NXPE2: variants seen among roughly 807,000 people sequenced by gnomAD.
NXPE2 encodes the protein neurexophilin and PC-esterase domain family member 2.
A neutral mutation model predicts 34.4 loss-of-function variants in NXPE2; 34 were observed. That is an observed-to-expected ratio of 0.99 (90% CI 0.75 to 1.31). NXPE2 has a LOEUF of 1.31. NXPE2 is among the 40% of genes most tolerant of loss of function. The pLI, the probability that NXPE2 is intolerant of heterozygous loss-of-function variation, is 0.00. For missense variants in NXPE2, 649 were observed against 672.5 expected, an observed-to-expected ratio of 0.97 and a Z score of 0.39; for synonymous variants, 235 against 231.3, an observed-to-expected ratio of 1.02 and a Z score of -0.15.
chr11:114,544,342 C>T, the NXPE2 span, among the ~76,000 whole-genome samples: 1 of 152,116 alleles, frequency 6.6e-6, no homozygotes, highest in Non-Finnish European at 1.5e-5. Context: ...TACAAAGCTG[C>T]CGTTATCAAG....
the NXPE2 span, among the ~76,000 whole-genome samples, chr11:114,475,449 G>A: frequency 6.6e-6 from 1 of 151,780 alleles, no homozygotes; most frequent in Non-Finnish European, 1.5e-5. Flanking sequence ...TCGCCATGTT[G>A]GCCAGGCTGG....
the NXPE2 span, among the ~76,000 whole-genome samples, chr11:114,481,435 G>A: frequency 7.9e-5 from 12 of 152,086 alleles, no homozygotes; most frequent in African/African-American, 2.9e-4. Flanking sequence ...AAATTAAAAT[G>A]GCAACAATAG....
At chr11:114,656,806 T>G in the NXPE2 span, among the ~76,000 whole-genome samples, 1 of 152,094 alleles carries the variant, frequency 6.6e-6, no homozygotes, top group African/African-American at 2.4e-5. Context: ...CTAGTAGTAG[T>G]AGTGTTTAAA....
At chr11:114,495,384 G>C in the NXPE2 span, among the ~76,000 whole-genome samples, 1 of 151,864 alleles carries the variant, frequency 6.6e-6, no homozygotes. Flanking sequence ...TTAGTGCTCT[G>C]TTCTACTGTG....
chr11:114,777,912 G>A, the NXPE2 span, among the ~76,000 whole-genome samples: 138 of 152,318 alleles, frequency 9.1e-4, 1 homozygote, highest in South Asian at 8.1e-3. Context: ...GATTCTGAGT[G>A]AGCAACTGAG....
At chr11:114,774,009 G>A in the NXPE2 span, among the ~76,000 whole-genome samples, 1 of 152,148 alleles carries the variant, frequency 6.6e-6, no homozygotes, top group African/African-American at 2.4e-5. Context: ...CTCTCTCTAC[G>A]GCCCTCAGTT....
chr11:114,639,983 TATA>T, the NXPE2 span, among the ~76,000 whole-genome samples: 11,150 of 116,956 alleles, frequency 0.095, 695 homozygotes, highest in Middle Eastern at 0.18. Context: ...TATAATATAA[TATA>T]ATAATGTTAT....
chr11:114,490,895 G>A, the NXPE2 span, among the ~76,000 whole-genome samples: 1 of 152,046 alleles, frequency 6.6e-6, no homozygotes. Context: ...GGGCGCGGTG[G>A]CTCACGCCTG....
chr11:114,762,186 A>G, the NXPE2 span, among the ~76,000 whole-genome samples: 1 of 152,064 alleles, frequency 6.6e-6, no homozygotes, highest in Non-Finnish European at 1.5e-5. Flanking sequence ...TTCCAGGTGG[A>G]TGGGGAGGAG....
At chr11:114,710,351 G>T (rs886214611), downstream of NXPE2, among the ~76,000 whole-genome samples, 1 of 152,038 alleles carries the variant, frequency 6.6e-6, no homozygotes, top group East Asian at 1.9e-4. Flanking sequence ...CAAATTCATA[G>T]CTAGACTAAG....
the NXPE2 span, among the ~76,000 whole-genome samples, chr11:114,670,307 G>T: frequency 1.3e-5 from 2 of 152,024 alleles, no homozygotes; most frequent in Admixed American, 1.3e-4. Flanking sequence ...AGATGATTGT[G>T]TGCATGCCCA....
chr11:114,732,169 A>C, the NXPE2 span, among the ~76,000 whole-genome samples: 1 of 152,220 alleles, frequency 6.6e-6, no homozygotes, highest in African/African-American at 2.4e-5. Context: ...GCATTTTGAC[A>C]AATGTATATA....
upstream of NXPE2, among the ~76,000 whole-genome samples, chr11:114,675,292 C>T (rs910057241): frequency 6.6e-6 from 1 of 151,616 alleles, no homozygotes; most frequent in Non-Finnish European, 1.5e-5. Context: ...CAACATAGTA[C>T]TGGAAGTCCT....
the NXPE2 span, among the ~76,000 whole-genome samples, chr11:114,760,809 AC>A: frequency 1.3e-5 from 2 of 152,134 alleles, no homozygotes; most frequent in South Asian, 4.2e-4. Flanking sequence ...TGAAATTTCA[AC>A]CCCCCAAACA....
At chr11:114,624,636 A>G in the NXPE2 span, among the ~76,000 whole-genome samples, 1 of 152,096 alleles carries the variant, frequency 6.6e-6, no homozygotes, top group East Asian at 1.9e-4. Context: ...TACCCAGTGG[A>G]TAATAAGTAT....
the NXPE2 span, among the ~76,000 whole-genome samples, chr11:114,628,007 TAG>T: frequency 1.3e-5 from 2 of 151,742 alleles, no homozygotes; most frequent in East Asian, 3.9e-4. Flanking sequence ...CAGGAGCACC[TAG>T]ATTCATAAAG....
chr11:114,525,814 T>A, the NXPE2 span, among the ~76,000 whole-genome samples: 1 of 152,242 alleles, frequency 6.6e-6, no homozygotes, highest in African/African-American at 2.4e-5. Flanking sequence ...CAGGTACATG[T>A]ATAAGAGTCA....
At chr11:114,596,178 T>G in the NXPE2 span, among the ~76,000 whole-genome samples, 2 of 152,172 alleles carry the variant, frequency 1.3e-5, no homozygotes, top group African/African-American at 4.8e-5. Context: ...TCAATACAAT[T>G]TGCTGAATTG....
chr11:114,766,092 G>T, the NXPE2 span, among the ~76,000 whole-genome samples: 4 of 151,988 alleles, frequency 2.6e-5, no homozygotes, highest in Non-Finnish European at 1.5e-5. Flanking sequence ...GAATCTTATC[G>T]GATCTTCTGA....
Sources: allele counts gnomAD v4.1 joint callset (sites outside exome capture counted in the v4.1 genomes callset), GRCh38; gene constraint gnomAD v4.1.1; transcripts MANE v1.5; gene names NCBI Gene and HGNC (gene_info 2026-07-23, HGNC 2026-07-21).